SPINK6: variants seen among roughly 807,000 people sequenced by gnomAD.
SPINK6 encodes the protein serine peptidase inhibitor Kazal type 6.
A neutral mutation model predicts 11.7 loss-of-function variants in SPINK6; 13 were observed. The ratio of observed to expected loss-of-function variants is 1.11; its 90% CI spans 0.72 to 1.76. The LOEUF (loss-of-function observed/expected upper bound fraction) is 1.76, where lower values mean the gene tolerates loss of function less well. SPINK6 is among the 40% of genes most tolerant of loss of function. The pLI, the probability that SPINK6 is intolerant of heterozygous loss-of-function variation, is 0.00. For synonymous variants in SPINK6, 21 were observed against 31.9 expected, an observed-to-expected ratio of 0.66 and a Z score of 1.15; for missense variants, 98 against 93.7, an observed-to-expected ratio of 1.05 and a Z score of -0.19.
At chr5:148,214,311 A>C (rs1394238241) in intron 3 of SPINK6, among the ~76,000 whole-genome samples, 1 of 152,076 alleles carries the variant, frequency 6.6e-6, no homozygotes. Flanking sequence ...ATTATAACTT[A>C]TTATATTTAA....
chr5:148,212,494 A>ATAAAGTATATATTTTATATC, intron 2 of SPINK6, among the ~76,000 whole-genome samples: 1 of 130,272 alleles, frequency 7.7e-6, no homozygotes, highest in Admixed American at 9.0e-5. Context: ...ATATATATAT[A>ATAAAGTATATATTTTATATC]TATAAAGTAT....
intron 2 of SPINK6, among the ~76,000 whole-genome samples, chr5:148,210,180 G>T (rs111163105): frequency 4.9e-5 from 1 of 20,358 alleles, no homozygotes; most frequent in Non-Finnish European, 9.3e-4. Flanking sequence ...ATTTCTGCAT[G>T]CATATGTATT....
chr5:148,206,047 C>A lies in SPINK6; in HGVS notation c.70C>A (p.Gln24Lys). Residue 24 changes from glutamine to lysine, a missense_variant, in exon 2 of 4, where the codon CAG becomes AAG. Transcript: ENST00000325630. Reference sequence around the variant, plus strand: ...TGCTTTTCTTTCAGGTGTCTTCAGTCAGGGAGGACAGGTCAGTGCCTATTT... The same window carrying A: ...TGCTTTTCTTTCAGGTGTCTTCAGTAAGGGAGGACAGGTCAGTGCCTATTT... ...LFCFLTGVFS[Q>K]GGQVDCGEFQ... The A allele has an allele frequency of 1.2e-6, 2 of 1,614,012 alleles. No homozygotes were observed. Among genetic ancestry groups the A allele is most frequent in the Non-Finnish European group, 1.7e-6 (2 of 1,179,952 alleles).
rs895122025 is a variant in SPINK6 at position 148,211,043 on chromosome 5, C to T, written c.82-2867C>T. Among the ~76,000 whole-genome samples the T allele has an allele frequency of 3.3e-5, 5 of 152,134 alleles. No homozygotes were observed. The South Asian group carries it at 1.0e-3, about 32-fold the overall frequency. ...TGGTTTTATCTGTAAACCTAAAACA[C>T]TAGACTTAAATATGAATAATCCTGA... On this transcript the variant is annotated intron_variant, in intron 2 of 3. Coordinates refer to ENST00000325630, the MANE Select transcript of SPINK6 (RefSeq NM_205841.4).
intron 2 of SPINK6, among the ~76,000 whole-genome samples, chr5:148,206,897 G>A (rs939337200): frequency 6.6e-6 from 1 of 152,146 alleles, no homozygotes; most frequent in Non-Finnish European, 1.5e-5. Context: ...TAACTAATTG[G>A]AGTTGGCAAA....
intron 2 of SPINK6, among the ~76,000 whole-genome samples, chr5:148,207,711 C>T (rs1755518939): frequency 1.3e-5 from 2 of 152,070 alleles, no homozygotes; most frequent in South Asian, 4.1e-4. Flanking sequence ...TACCTGCAGT[C>T]CCAGCTACTT....
At chr5:148,210,857 G>A (rs1755588369) in intron 2 of SPINK6, among the ~76,000 whole-genome samples, 1 of 151,852 alleles carries the variant, frequency 6.6e-6, no homozygotes, top group Non-Finnish European at 1.5e-5. Flanking sequence ...AAAGGGGAGG[G>A]AAATAAGGGT....
At chr5:148,212,720 T>C (rs1367198571) in intron 2 of SPINK6, among the ~76,000 whole-genome samples, 7 of 124,028 alleles carry the variant, frequency 5.6e-5, no homozygotes, top group East Asian at 2.1e-4. Flanking sequence ...ATAGTTTATA[T>C]ATTTTATATA....
chr5:148,207,841 G>A (rs1755520412), intron 2 of SPINK6, among the ~76,000 whole-genome samples: 1 of 152,090 alleles, frequency 6.6e-6, no homozygotes, highest in Admixed American at 6.5e-5. Flanking sequence ...CTGATTTTAT[G>A]CTTTAGATGG....
intron 2 of SPINK6, among the ~76,000 whole-genome samples, chr5:148,207,316 C>T (rs765148942): frequency 2.7e-4 from 41 of 152,218 alleles, no homozygotes; most frequent in African/African-American, 9.4e-4. Flanking sequence ...TTAACACACA[C>T]GTTACTTCCC....
intron 2 of SPINK6, among the ~76,000 whole-genome samples, chr5:148,210,007 C>CATACACACGTACGTATGT (rs1554112271): frequency 0.69 from 73,406 of 105,630 alleles, 28,762 homozygotes; most frequent in Middle Eastern, 0.89. Flanking sequence ...CGTATGTATA[C>CATACACACGTACGTATGT]ATGTATGTAC....
intron 2 of SPINK6, among the ~76,000 whole-genome samples, chr5:148,210,142 ATATG>A (rs528846789): frequency 3.4e-5 from 5 of 148,216 alleles, no homozygotes; most frequent in East Asian, 4.1e-4. Context: ...TTCTGCATAC[ATATG>A]TATGTATTTC....
intron 2 of SPINK6, among the ~76,000 whole-genome samples, chr5:148,212,604 T>G (rs1172776803): frequency 1.9e-5 from 2 of 103,920 alleles, no homozygotes; most frequent in East Asian, 4.9e-4. Flanking sequence ...ATATAATATA[T>G]AATATATATT....
At position 148,209,991 on chromosome 5, in the gene SPINK6, T is replaced by TACACACGTACGTATGGATGTATAC. The variant is rs1398978551; in HGVS notation, c.82-3918_82-3917insCACACGTACGTATGGATGTATACA. On this transcript the variant is annotated intron_variant, in intron 2 of 3. Transcript: ENST00000325630. ...ACATACGTACGTATGTATGTATACA[T>TACACACGTACGTATGGATGTATAC]ATACACGTATGTATACATGTATGTA... is the stretch of plus-strand genomic sequence containing the variant. 1.4e-5 allele frequency among the ~76,000 whole-genome samples: 2 copies of TACACACGTACGTATGGATGTATAC among 145,402 alleles called. 1 individual carries two copies. Among genetic ancestry groups the TACACACGTACGTATGGATGTATAC allele is most frequent in the Non-Finnish European group, 3.0e-5 (2 of 65,968 alleles).
At chr5:148,206,236 TAAC>T (rs754314860) in intron 2 of SPINK6, among the ~76,000 whole-genome samples, 178 bp downstream of exon 2, 110,891 of 151,628 alleles carry the variant, frequency 0.73, 42,886 homozygotes, top group Non-Finnish European at 0.85. Flanking sequence ...TAAAAGAACC[TAAC>T]CACACATTCT....
chr5:148,207,566 C>T (rs1207350311), intron 2 of SPINK6, among the ~76,000 whole-genome samples: 3 of 152,262 alleles, frequency 2.0e-5, no homozygotes, highest in Non-Finnish European at 4.4e-5. Context: ...CACGGTGCCT[C>T]ATGCCTGTAA....
intron 1 of SPINK6, among the ~76,000 whole-genome samples, chr5:148,204,153 A>G (rs1023137691): frequency 2.6e-5 from 4 of 152,032 alleles, no homozygotes; most frequent in East Asian, 1.9e-4. Flanking sequence ...AAAAAAATCA[A>G]TGAGATTTAG....
chr5:148,209,991 T>TACACACGTACGTATGAATGTATAC (rs1398978551), intron 2 of SPINK6, among the ~76,000 whole-genome samples: 1 of 145,404 alleles, frequency 6.9e-6, no homozygotes, highest in African/African-American at 2.5e-5. Flanking sequence ...TATGTATACA[T>TACACACGTACGTATGAATGTATAC]ATACACGTAT....
chr5:148,205,968 A>C lies in SPINK6; in HGVS notation c.59-68A>C, dbSNP rs1432692. 11,478 of 1,539,568 alleles carry C rather than the reference A, an allele frequency of 7.5e-3. 730 individuals are homozygous for C. The African/African-American group carries it at 0.13, about 18-fold the overall frequency. On this transcript the variant is annotated intron_variant, in intron 1 of 3. Coordinates refer to ENST00000325630, the MANE Select transcript of SPINK6 (RefSeq NM_205841.4). ...CAGGAGTAGATATTAGGAATTTCCT[A>C]ATGTTGAAAATTTCACTTTTTGTAC... is the stretch of plus-strand genomic sequence containing the variant.
Sources: allele counts gnomAD v4.1 joint callset (sites outside exome capture counted in the v4.1 genomes callset), GRCh38; gene constraint gnomAD v4.1.1; transcripts MANE v1.5; gene names NCBI Gene and HGNC (gene_info 2026-07-23, HGNC 2026-07-21).